The following ADAMTS12 variants were observed in gnomAD, a reference collection of about 807,000 sequenced individuals.
The protein encoded by ADAMTS12 is ADAM metallopeptidase with thrombospondin type 1 motif 12.
A neutral mutation model predicts 167.8 loss-of-function variants in ADAMTS12; 118 were observed. The observed-to-expected ratio is 0.70, with a 90% CI of 0.61 to 0.82. The LOEUF (loss-of-function observed/expected upper bound fraction) is 0.82, where lower values mean the gene tolerates loss of function less well. Ranked by LOEUF, ADAMTS12 falls within the 40% of genes least tolerant of loss-of-function variation. The pLI, the probability that ADAMTS12 is intolerant of heterozygous loss-of-function variation, is 0.00. For synonymous variants in ADAMTS12, 704 were observed against 716.9 expected, an observed-to-expected ratio of 0.98 and a Z score of 0.29; for missense variants, 1,916 against 1,998.8, an observed-to-expected ratio of 0.96 and a Z score of 0.79.
intron 3 of ADAMTS12, among the ~76,000 whole-genome samples, chr5:33,740,026 C>T (rs1329124800): frequency 1.3e-5 from 2 of 152,182 alleles, no homozygotes; most frequent in African/African-American, 4.8e-5. Context: ...AGACTCATAA[C>T]TCACGAAAGT....
intron 2 of ADAMTS12, among the ~76,000 whole-genome samples, chr5:33,755,745 G>T (rs1393089926): frequency 2.0e-5 from 3 of 152,194 alleles, no homozygotes; most frequent in Non-Finnish European, 4.4e-5. Flanking sequence ...TTGTGTGATG[G>T]AACTGTGCTT....
At chr5:33,596,409 C>T (rs1737881607) in intron 16 of ADAMTS12, among the ~76,000 whole-genome samples, 1 of 152,156 alleles carries the variant, frequency 6.6e-6, no homozygotes, top group Non-Finnish European at 1.5e-5. Flanking sequence ...AGGTTGGGCG[C>T]AGTGGCTCAC....
chr5:33,891,756 G>T lies in ADAMTS12; in HGVS notation c.101C>A (p.Pro34Gln), dbSNP rs201411671. The T allele has an allele frequency of 1.9e-6, 3 of 1,614,182 alleles. No individual in the cohort carries two copies. Among genetic ancestry groups the T allele is most frequent in the Non-Finnish European group, 2.5e-6 (3 of 1,180,032 alleles). Residue 34 changes from proline (P) to glutamine (Q), a missense_variant, in exon 1 of 24, where the codon CCG (proline) becomes CAG (glutamine). Coordinates refer to ENST00000504830, the MANE Select transcript of ADAMTS12 (RefSeq NM_030955.4). Reference sequence around the variant, plus strand: ...TTGCCTCCTGTCCGGGAAGCGAACCGGGCCTGGCTGAGGCTGTCTCCCATA... The same window carrying T: ...TTGCCTCCTGTCCGGGAAGCGAACCTGGCCTGGCTGAGGCTGTCTCCCATA... Reference protein sequence around the residue: ...LCYGRQPQPGPVRFPDRRQEH... With the variant: ...LCYGRQPQPGQVRFPDRRQEH...
In ADAMTS12 at chr5:33,849,316, T is replaced by C. The variant is rs1255025767; in HGVS notation, c.489+31803A>G. 5.7e-5 allele frequency among the ~76,000 whole-genome samples: 7 copies of C among 121,884 alleles called. 1 individual carries two copies. The highest frequency in any genetic ancestry group is 1.5e-4 in the African/African-American group (5 of 32,738). The allele number at this position is 121,884 out of a possible 152,430, so 80.0% of individuals were successfully genotyped here. ...TAGCAATATATATATATGTATTGCA[T>C]AGCTATATATATATGTATTGAATAG... On this transcript the variant is annotated intron_variant, in intron 2 of 23. Transcript: ENST00000504830.
intron 7 of ADAMTS12, among the ~76,000 whole-genome samples, chr5:33,652,743 T>C (rs1171074541): frequency 6.6e-6 from 1 of 152,156 alleles, no homozygotes; most frequent in East Asian, 1.9e-4. Context: ...TTTTGTAGTT[T>C]CAGGACTTAC....
At position 33,527,167 on chromosome 5, in the gene ADAMTS12, G is replaced by GAA; in HGVS notation, c.*19_*20dup. The GAA allele has an allele frequency of 6.2e-7, 1 of 1,613,652 alleles. No individual in the cohort carries two copies. ...GTCAGCAGGCTGCTGCAGTCTGGTGGAAGCTGGCTTCCTTTTGGGCTTAGA... is the reference window on the plus strand; with the variant it reads ...GTCAGCAGGCTGCTGCAGTCTGGTGGAAAAGCTGGCTTCCTTTTGGGCTTAGA... On this transcript the variant is annotated 3_prime_UTR_variant, in exon 24 of 24. Transcript: ENST00000504830.
At chr5:33,633,375 C>T (rs1439731604) in intron 12 of ADAMTS12, among the ~76,000 whole-genome samples, 3 of 149,916 alleles carry the variant, frequency 2.0e-5, no homozygotes, top group African/African-American at 4.9e-5. Context: ...ACACTGCCTA[C>T]AAGAAACACA....
chr5:33,545,551 C>T (rs1161857916), intron 22 of ADAMTS12, among the ~76,000 whole-genome samples: 1 of 152,144 alleles, frequency 6.6e-6, no homozygotes, highest in Non-Finnish European at 1.5e-5. Context: ...ACTATAAAGA[C>T]ACATGCACAT....
chr5:33,761,362 C>T (rs1267180065), intron 2 of ADAMTS12, among the ~76,000 whole-genome samples: 2 of 152,222 alleles, frequency 1.3e-5, no homozygotes, highest in Non-Finnish European at 1.5e-5. Flanking sequence ...ATCCTCCTTA[C>T]TGTGAAGGCC....
chr5:33,617,748 G>A (rs1662973812), intron 14 of ADAMTS12, among the ~76,000 whole-genome samples: 1 of 151,778 alleles, frequency 6.6e-6, no homozygotes, highest in African/African-American at 2.4e-5. Flanking sequence ...GAAATACTGT[G>A]TCTACCACCT....
intron 16 of ADAMTS12, among the ~76,000 whole-genome samples, chr5:33,597,689 T>C (rs1043800018): frequency 6.6e-6 from 1 of 152,164 alleles, no homozygotes; most frequent in African/African-American, 2.4e-5. Flanking sequence ...AACAATTTTT[T>C]TTTTTTGAGA....
intron 2 of ADAMTS12, among the ~76,000 whole-genome samples, chr5:33,772,790 C>T (rs1745793751): frequency 6.6e-6 from 1 of 152,152 alleles, no homozygotes; most frequent in South Asian, 2.1e-4. Flanking sequence ...CTATTTGAAG[C>T]TCATTGAGAT....
chr5:33,581,428 C>G (rs1449233985), intron 18 of ADAMTS12, among the ~76,000 whole-genome samples: 1 of 152,122 alleles, frequency 6.6e-6, no homozygotes, highest in African/African-American at 2.4e-5. Flanking sequence ...CCCAATTTAT[C>G]AACTCCACCC....
At position 33,534,926 on chromosome 5, in the gene ADAMTS12, T is replaced by C. The variant is rs747269714; in HGVS notation, c.4513A>G (p.Lys1505Glu). 33 of 1,613,984 alleles carry C rather than the reference T, an allele frequency of 2.0e-5. No individual in the cohort carries two copies. In the Admixed American group the frequency reaches 5.5e-4, roughly 27 times the overall value. Residue 1505 changes from lysine to glutamate, a missense_variant, in exon 23 of 24, where the codon AAA becomes GAA. Lys to Glu is a moderately conservative substitution (Grantham distance 56, BLOSUM62 1). Coordinates refer to ENST00000504830, the MANE Select transcript of ADAMTS12 (RefSeq NM_030955.4). ...TVQCVPSEGN[K>E]TEDQDQCLCD... is the part of the protein sequence containing the mutation. ...AGACATTGGTCTTGGTCTTCAGTTTTATTGCCCTCTGAGGGCACACATTGG... is the reference window on the plus strand; with the variant it reads ...AGACATTGGTCTTGGTCTTCAGTTTCATTGCCCTCTGAGGGCACACATTGG...
intron 2 of ADAMTS12, among the ~76,000 whole-genome samples, chr5:33,823,215 T>C (rs1747929858): frequency 6.6e-6 from 1 of 152,180 alleles, no homozygotes; most frequent in Non-Finnish European, 1.5e-5. Context: ...ACTGAGAGCT[T>C]TTCTCCCTGG....
chr5:33,623,579 G>A (rs1739434049), intron 14 of ADAMTS12, among the ~76,000 whole-genome samples: 1 of 152,190 alleles, frequency 6.6e-6, no homozygotes, highest in Admixed American at 6.5e-5. Flanking sequence ...AAGAAACTCT[G>A]CAAAAGGTGA....
intron 2 of ADAMTS12, among the ~76,000 whole-genome samples, chr5:33,798,719 C>T (rs779684829): frequency 2.6e-5 from 4 of 152,068 alleles, no homozygotes; most frequent in African/African-American, 9.7e-5. Context: ...GGATTACAGG[C>T]GTGAGCCACC....
chr5:33,774,931 G>C (rs1447287733), intron 2 of ADAMTS12, among the ~76,000 whole-genome samples: 1 of 152,164 alleles, frequency 6.6e-6, no homozygotes, highest in Non-Finnish European at 1.5e-5. Context: ...AAATGATACT[G>C]TGATGGTGAA....
chr5:33,664,552 A>C (rs7735589), intron 5 of ADAMTS12, among the ~76,000 whole-genome samples: 1 of 152,104 alleles, frequency 6.6e-6, no homozygotes, highest in African/African-American at 2.4e-5. Flanking sequence ...ACATATAAAA[A>C]TTCAACATCA....
Sources: allele counts gnomAD v4.1 joint callset (sites outside exome capture counted in the v4.1 genomes callset), GRCh38; gene constraint gnomAD v4.1.1; transcripts MANE v1.5; gene names NCBI Gene and HGNC (gene_info 2026-07-23, HGNC 2026-07-21).